TIPARP: variants seen among roughly 807,000 people sequenced by gnomAD.
TIPARP encodes the protein protein mono-ADP-ribosyltransferase TIPARP.
A neutral mutation model predicts 56.5 loss-of-function variants in TIPARP; 12 were observed. That is an observed-to-expected ratio of 0.21 (90% CI 0.14 to 0.34). The LOEUF (loss-of-function observed/expected upper bound fraction) is 0.34, where lower values mean the gene tolerates loss of function less well. Among genes scored for constraint, TIPARP ranks in the 10% least tolerant of loss-of-function variants. The pLI is 1.00. For missense variants in TIPARP, 604 were observed against 781.6 expected, an observed-to-expected ratio of 0.77 and a Z score of 2.71; for synonymous variants, 296 against 265.7, an observed-to-expected ratio of 1.11 and a Z score of -1.11.
chr3:156,679,549 T>C (rs1259201217), intron 2 of TIPARP, among the ~76,000 whole-genome samples: 1 of 152,218 alleles, frequency 6.6e-6, no homozygotes, highest in Non-Finnish European at 1.5e-5. Flanking sequence ...TTAATAGCTA[T>C]TTGTGTATGA....
At position 156,705,293 on chromosome 3, in the gene TIPARP, T is replaced by C. The variant is rs1722954177; in HGVS notation, c.*162T>C. ...GAAAATGCTTTTTTTAAAAAAAAAATACAAGTTTTAAAATGACCACTTACT... is the reference window on the plus strand; with the variant it reads ...GAAAATGCTTTTTTTAAAAAAAAAACACAAGTTTTAAAATGACCACTTACT... On this transcript the variant is annotated 3_prime_UTR_variant, in exon 6 of 6. Transcript: ENST00000295924. The C allele has an allele frequency of 1.7e-6, 1 of 577,556 alleles. No individual in the cohort carries two copies. The highest frequency in any genetic ancestry group is 4.7e-4 in the Middle Eastern group (1 of 2,142). The allele number at this position is 577,556 out of a possible 1,614,324, so 35.8% of individuals were successfully genotyped here. A position where few individuals can be genotyped will look rare whatever the true frequency, so the allele number is the denominator to read the frequency against.
rs186686854 is a variant in TIPARP, at chr3:156,703,323, A to G, written c.1248-101A>G. Reference sequence around the variant, plus strand: ...CTTTTAAAATAAGCACTTAAGCTATACAGATTATAATATTAAGTAGACACT... The same window carrying G: ...CTTTTAAAATAAGCACTTAAGCTATGCAGATTATAATATTAAGTAGACACT... On this transcript the variant is annotated intron_variant, in intron 4 of 5. Transcript: ENST00000295924. The G allele has an allele frequency of 6.0e-5, 75 of 1,242,072 alleles. 1 individual carries two copies. In the Admixed American group the frequency reaches 1.4e-3, roughly 24 times the overall value. 76.9% of individuals were successfully genotyped at this position (1,242,072 alleles called of 1,614,324 possible). A position where few individuals can be genotyped will look rare whatever the true frequency, so the allele number is the denominator to read the frequency against.
At chr3:156,691,438 T>A (rs1272358604) in intron 2 of TIPARP, among the ~76,000 whole-genome samples, 1 of 152,162 alleles carries the variant, frequency 6.6e-6, no homozygotes, top group East Asian at 1.9e-4. Flanking sequence ...TGGCTTACAT[T>A]TTGTTAGTTA....
intron 4 of TIPARP, among the ~76,000 whole-genome samples, chr3:156,696,559 T>G (rs985115691): frequency 6.6e-6 from 1 of 152,246 alleles, no homozygotes; most frequent in Admixed American, 6.5e-5. Context: ...TCATACTTAC[T>G]AAGAATACAG....
chr3:156,688,709 G>A (rs1014301005), intron 2 of TIPARP, among the ~76,000 whole-genome samples: 8 of 152,112 alleles, frequency 5.3e-5, no homozygotes, highest in Non-Finnish European at 1.0e-4. Context: ...GATATAAGCT[G>A]CCAGATATTC....
intron 1 of TIPARP, among the ~76,000 whole-genome samples, chr3:156,676,203 A>C (rs1722122099): frequency 6.6e-6 from 1 of 152,184 alleles, no homozygotes; most frequent in Admixed American, 6.5e-5. Flanking sequence ...GCTCCTTTCC[A>C]GTTGATTTAT....
At chr3:156,694,709 C>A (rs1229155870) in intron 3 of TIPARP, among the ~76,000 whole-genome samples, 1 of 152,192 alleles carries the variant, frequency 6.6e-6, no homozygotes, top group Non-Finnish European at 1.5e-5. Flanking sequence ...TAGTCTGAGA[C>A]AGTGATAATA....
chr3:156,699,251 G>C (rs1254166938), intron 4 of TIPARP, among the ~76,000 whole-genome samples: 1 of 152,208 alleles, frequency 6.6e-6, no homozygotes, highest in Non-Finnish European at 1.5e-5. Context: ...AGGATTGACT[G>C]CAACTTTGAA....
At chr3:156,682,757 T>C (rs537464227) in intron 2 of TIPARP, among the ~76,000 whole-genome samples, 2 of 152,302 alleles carry the variant, frequency 1.3e-5, no homozygotes, top group South Asian at 2.1e-4. Context: ...CTTGTGACTT[T>C]TTGGTAGTTC....
In TIPARP at chr3:156,704,752, A is replaced by G; in HGVS notation, c.1595A>G (p.His532Arg). The change falls in exon 6 of 6, where the codon CAT (histidine) becomes CGT (arginine). Residue 532 changes from histidine (H) to arginine (R), a missense_variant. By Grantham distance (29) the His-to-Arg change is conservative (BLOSUM62 0). This residue lies in a region of TIPARP where 77 missense variants were observed against 161.0 expected (regional missense o/e 0.48). Coordinates refer to ENST00000295924, the MANE Select transcript of TIPARP (RefSeq NM_015508.5). ...ATAATAAATGAGAGACATTTATTTCATGGAACATCCCAGGATGTGGTAGAT... is the reference window on the plus strand; with the variant it reads ...ATAATAAATGAGAGACATTTATTTCGTGGAACATCCCAGGATGTGGTAGAT... ...DRIINERHLF[H>R]GTSQDVVDGI... The G allele has an allele frequency of 6.2e-7, 1 of 1,614,238 alleles. No homozygotes were observed. The highest frequency in any genetic ancestry group is 8.5e-7 in the Non-Finnish European group (1 of 1,180,036).
intron 2 of TIPARP, among the ~76,000 whole-genome samples, chr3:156,684,069 A>G (rs1220284786): frequency 2.0e-5 from 3 of 152,340 alleles, no homozygotes; most frequent in East Asian, 3.9e-4. Context: ...GTACATGTGT[A>G]TATCATTTTT....
At chr3:156,689,947 C>G (rs1722523961) in intron 2 of TIPARP, among the ~76,000 whole-genome samples, 1 of 152,222 alleles carries the variant, frequency 6.6e-6, no homozygotes, top group South Asian at 2.1e-4. Flanking sequence ...TGCCACACTT[C>G]ACACTATGCT....
chr3:156,701,343 T>A (rs1294612971), intron 4 of TIPARP, among the ~76,000 whole-genome samples: 1 of 152,250 alleles, frequency 6.6e-6, no homozygotes, highest in African/African-American at 2.4e-5. Flanking sequence ...TCTTCTGTTG[T>A]CACGGCTAGG....
Position 156,695,906 on chromosome 3 carries a change from G to C in TIPARP, c.1128G>C (p.Leu376=). ...RLIEEANSRG[L]KEVRFMMWNN... is the part of the protein sequence containing the mutation. ...TTGAAGAAGCCAACTCTCGGGGTCT[G>C]AAAGAGGTTCGATTTATGATGTGGA... Residue 376 remains leucine (L), a synonymous_variant, in exon 4 of 6, where the codon CTG becomes CTC. Coordinates refer to ENST00000295924, the MANE Select transcript of TIPARP (RefSeq NM_015508.5). 1 of 1,594,178 alleles carries C rather than the reference G, an allele frequency of 6.3e-7. No individual in the cohort carries two copies. Among genetic ancestry groups the C allele is most frequent in the East Asian group, 2.3e-5 (1 of 43,844 alleles).
At chr3:156,681,357 G>A (rs1010966419) in intron 2 of TIPARP, among the ~76,000 whole-genome samples, 6 of 152,160 alleles carry the variant, frequency 3.9e-5, no homozygotes, top group Non-Finnish European at 8.8e-5. Context: ...ATGAATGGCA[G>A]TTGTTTATCC....
At position 156,705,295 on chromosome 3, in the gene TIPARP, C is replaced by A; in HGVS notation, c.*164C>A. 1 of 577,630 alleles carries A rather than the reference C, an allele frequency of 1.7e-6. No homozygotes were observed. The highest frequency in any genetic ancestry group is 3.0e-6 in the Non-Finnish European group (1 of 337,394). 35.8% of individuals were successfully genotyped at this position (577,630 alleles called of 1,614,324 possible). On this transcript the variant is annotated 3_prime_UTR_variant, in exon 6 of 6. Coordinates refer to ENST00000295924, the MANE Select transcript of TIPARP (RefSeq NM_015508.5). ...AAATGCTTTTTTTAAAAAAAAAATA[C>A]AAGTTTTAAAATGACCACTTACTCT...
rs1722970378 is a variant in TIPARP at position 156,705,958 on chromosome 3, CT to C, written c.*831del. On this transcript the variant is annotated 3_prime_UTR_variant, in exon 6 of 6. Coordinates refer to ENST00000295924, the MANE Select transcript of TIPARP (RefSeq NM_015508.5). ...TCTTGAGGGTTAGAAGTATTACTTC[CT>C]TTTCGGGTTCCAGACCTAGCTTGTG... is the stretch of plus-strand genomic sequence containing the variant. 6.6e-6 allele frequency: 1 copy of C among 152,612 alleles called. No homozygotes were observed. Among genetic ancestry groups the C allele is most frequent in the Admixed American group, 6.5e-5 (1 of 15,284 alleles). 9.5% of individuals were successfully genotyped at this position (152,612 alleles called of 1,614,324 possible). A position where few individuals can be genotyped will look rare whatever the true frequency, so the allele number is the denominator to read the frequency against.
At chr3:156,703,315 T>C in intron 4 of TIPARP, 109 bp from the exon 5 acceptor site, 1 of 1,180,286 alleles carries the variant, frequency 8.5e-7, no homozygotes, top group Non-Finnish European at 1.2e-6. Context: ...AATAAGCACT[T>C]AAGCTATACA....
chr3:156,703,357 T>C, intron 4 of TIPARP, 67 bp from the exon 5 acceptor site: 1 of 1,492,734 alleles, frequency 6.7e-7, no homozygotes, highest in Middle Eastern at 2.1e-4. Context: ...CTGATATAGA[T>C]CACTATAATG....
Sources: gnomAD v4.1 joint callset for allele counts (sites outside exome capture counted in the v4.1 genomes callset) on GRCh38, gnomAD v4.1.1 for gene constraint, gnomAD v4.1.1 regional missense constraint, MANE v1.5 for transcripts, NCBI Gene and HGNC (gene_info 2026-07-23, HGNC 2026-07-21) for gene names.